ABL1: variants seen among roughly 807,000 people sequenced by gnomAD.
ABL1 encodes the protein ABL proto-oncogene 1, non-receptor tyrosine kinase.
Under a neutral mutation model 94.7 loss-of-function variants are expected in ABL1, and 11 were observed. The ratio of observed to expected loss-of-function variants is 0.12; its 90% CI spans 0.07 to 0.19. The LOEUF is 0.19. Ranked by LOEUF, ABL1 falls within the 10% of genes least tolerant of loss-of-function variation. The probability of loss-of-function intolerance (pLI) is 1.00; values close to 1 mark genes in which losing one functional copy is unlikely to be tolerated. For synonymous variants in ABL1, 656 were observed against 622.4 expected, an observed-to-expected ratio of 1.05 and a Z score of -0.80; for missense variants, 1,082 against 1,489.4, an observed-to-expected ratio of 0.73 and a Z score of 4.50.
At chr9:130,714,937 C>G (rs575033325) in intron 1 of ABL1, among the ~76,000 whole-genome samples, 1 of 151,988 alleles carries the variant, frequency 6.6e-6, no homozygotes, top group African/African-American at 2.4e-5. Context: ...ATATCCTTGA[C>G]CTTTTCCTTC....
At position 130,835,761 on chromosome 9, in the gene ABL1, C is replaced by T. The variant is rs1255617316; in HGVS notation, c.79+236C>T. 1.3e-5 allele frequency among the ~76,000 whole-genome samples: 2 copies of T among 152,094 alleles called. No individual in the cohort carries two copies. Among genetic ancestry groups the T allele is most frequent in the African/African-American group, 4.8e-5 (2 of 41,414 alleles). ...CTCTTGTCTCTCTCTTTTTCTCTCT[C>T]TCTGTCTCTTTCTCTTTCTCGCGAT... On this transcript the variant is annotated intron_variant, in intron 1 of 10. Coordinates refer to ENST00000318560, the MANE Select transcript of ABL1 (RefSeq NM_005157.6). The surrounding 1 kb of genome is among the most constrained non-coding windows in gnomAD (Gnocchi z 4.6).
At chr9:130,723,320 G>A (rs752215863) in intron 1 of ABL1, among the ~76,000 whole-genome samples, 3 of 152,064 alleles carry the variant, frequency 2.0e-5, no homozygotes, top group Non-Finnish European at 4.4e-5. Flanking sequence ...AAGGTGGGAC[G>A]GTCCTCTGAG....
intron 10 of ABL1, among the ~76,000 whole-genome samples, chr9:130,883,280 C>CTGAG (rs1831496869): frequency 6.6e-6 from 1 of 152,140 alleles, no homozygotes; most frequent in Non-Finnish European, 1.5e-5. Context: ...GGTGGATCAC[C>CTGAG]TGAGGTCAGG....
intron 4 of ABL1, among the ~76,000 whole-genome samples, chr9:130,868,121 G>A (rs1271192669): frequency 6.6e-6 from 1 of 151,924 alleles, no homozygotes; most frequent in Non-Finnish European, 1.5e-5. Flanking sequence ...GACCACGCCG[G>A]CTAATTTTTT....
intron 1 of ABL1, among the ~76,000 whole-genome samples, chr9:130,851,755 CCT>C (rs1160805703): frequency 1.4e-5 from 2 of 147,706 alleles, no homozygotes; most frequent in Non-Finnish European, 3.0e-5. Context: ...TTAGAATTTT[CCT>C]CTCTTTTTCT....
At chr9:130,775,757 A>G (rs904842534) in intron 1 of ABL1, among the ~76,000 whole-genome samples, 1 of 152,090 alleles carries the variant, frequency 6.6e-6, no homozygotes, top group African/African-American at 2.4e-5. Context: ...TAAAAAAAAA[A>G]AGTCTTCTCC....
chr9:130,839,564 T>G (rs1158672773), intron 1 of ABL1, among the ~76,000 whole-genome samples: 1 of 152,186 alleles, frequency 6.6e-6, no homozygotes, highest in African/African-American at 2.4e-5. Flanking sequence ...ACCAGTGCCC[T>G]GAGGTTTCTA....
chr9:130,757,836 C>T (rs1010195045), intron 1 of ABL1, among the ~76,000 whole-genome samples: 19 of 151,888 alleles, frequency 1.3e-4, no homozygotes, highest in Admixed American at 5.2e-4. Flanking sequence ...CCACTGCGCC[C>T]GGCCAGGCAT....
intron 4 of ABL1, among the ~76,000 whole-genome samples, chr9:130,871,403 G>A (rs1054881076): frequency 3.3e-5 from 5 of 152,168 alleles, no homozygotes; most frequent in Non-Finnish European, 7.3e-5. Context: ...CCGGGCCCAT[G>A]CTCCTATCTT....
At chr9:130,762,909 CA>C (rs5900905) in intron 1 of ABL1, among the ~76,000 whole-genome samples, 114 of 92,848 alleles carry the variant, frequency 1.2e-3, no homozygotes, top group Middle Eastern at 0.014. Context: ...GACTCCGTCT[CA>C]AAAAAAAAAA....
At chr9:130,810,831 TC>T (rs1364371404) in intron 1 of ABL1, among the ~76,000 whole-genome samples, 3 of 151,932 alleles carry the variant, frequency 2.0e-5, no homozygotes, top group Non-Finnish European at 2.9e-5. Flanking sequence ...TTCAAGGAAC[TC>T]CAAGCACAGG....
chr9:130,840,852 C>T (rs533315672), intron 1 of ABL1, among the ~76,000 whole-genome samples: 7 of 152,240 alleles, frequency 4.6e-5, no homozygotes, highest in African/African-American at 1.7e-4. Flanking sequence ...GCATAATGAA[C>T]TCCCATGTAC....
upstream of ABL1, chr9:130,834,077 G>C (rs1002053371): frequency 4.4e-6 from 2 of 455,948 alleles, no homozygotes; most frequent in Non-Finnish European, 8.8e-6. Flanking sequence ...CCAGCTGTGG[G>C]CAAGGTGTCT....
Position 130,885,757 on chromosome 9 carries a change from A to G in ABL1, c.*74A>G, listed in dbSNP as rs1831570346. The G allele has an allele frequency of 3.3e-6, 5 of 1,517,968 alleles. No homozygotes were observed. In the Admixed American group the frequency reaches 6.2e-5, roughly 19 times the overall value. The allele number at this position is 1,517,968 out of a possible 1,614,324, so 94.0% of individuals were successfully genotyped here. On this transcript the variant is annotated 3_prime_UTR_variant, in exon 11 of 11. Coordinates refer to ENST00000318560, the MANE Select transcript of ABL1 (RefSeq NM_005157.6). ...ATGCGGGCTCGCCCATACCCGTGAC[A>G]GTGGCTGACAAGGGACTAGTGAGTC...
At chr9:130,769,396 A>G (rs1008613122) in intron 1 of ABL1, among the ~76,000 whole-genome samples, 1 of 123,754 alleles carries the variant, frequency 8.1e-6, no homozygotes, top group South Asian at 2.6e-4. Context: ...CAATGGTGCT[A>G]TCTTGGCTTA....
In ABL1 at chr9:130,855,083, C is replaced by T. The variant is rs1830951323; in HGVS notation, c.536C>T (p.Ala179Val). The change falls in exon 3 of 11, where the codon GCT becomes GTT. Residue 179 changes from alanine (A) to valine (V), a missense_variant. Around this residue, in one of 7 missense-constraint regions of ABL1, gnomAD observed 47 missense variants for 142.2 expected, o/e 0.33. Coordinates refer to ENST00000318560, the MANE Select transcript of ABL1 (RefSeq NM_005157.6). ...GRVYHYRINT[A>V]SDGKLYVSSE... ...GTGTACCATTACAGGATCAACACTGCTTCTGATGGCAAGGTAGGGGACCCT... is the reference window on the plus strand; with the variant it reads ...GTGTACCATTACAGGATCAACACTGTTTCTGATGGCAAGGTAGGGGACCCT... 1 of 1,613,126 alleles carries T rather than the reference C, an allele frequency of 6.2e-7. No individual in the cohort carries two copies. Among genetic ancestry groups the T allele is most frequent in the African/African-American group, 1.3e-5 (1 of 74,916 alleles).
intron 1 of ABL1, among the ~76,000 whole-genome samples, chr9:130,771,557 A>G (rs1400014575): frequency 3.3e-5 from 5 of 152,086 alleles, no homozygotes; most frequent in African/African-American, 1.2e-4. Flanking sequence ...TATGTGCTTG[A>G]CAGGAAAAGA....
At chr9:130,714,601 T>C (rs1831413243) in intron 1 of ABL1, 1 of 1,102,592 alleles carries the variant, frequency 9.1e-7, no homozygotes, top group Non-Finnish European at 1.4e-6. Flanking sequence ...TAGTGGAACT[T>C]TCTTTGTATA....
intron 3 of ABL1, among the ~76,000 whole-genome samples, chr9:130,859,667 T>TCTTTCTTTC (rs1402546190): frequency 1.7e-4 from 25 of 146,628 alleles, no homozygotes; most frequent in African/African-American, 6.3e-4. Context: ...CTGTTTCTTT[T>TCTTTCTTTC]CTTTCTTTCC....
Sources: allele counts gnomAD v4.1 joint callset (sites outside exome capture counted in the v4.1 genomes callset), GRCh38; gene constraint gnomAD v4.1.1; regional missense constraint gnomAD v4.1.1; non-coding constraint Gnocchi (gnomAD v3.1); transcripts MANE v1.5; gene names NCBI Gene and HGNC (gene_info 2026-07-23, HGNC 2026-07-21).